The following IDUA variants were observed in gnomAD, a reference collection of about 807,000 sequenced individuals.
The protein encoded by IDUA is alpha-L-iduronidase, also known as iduronidase alpha-L-.
In IDUA, 65 loss-of-function variants were observed where a neutral mutation model predicts 68.9. That is an observed-to-expected ratio of 0.94 (90% CI 0.77 to 1.16). The LOEUF (loss-of-function observed/expected upper bound fraction) is 1.16, where lower values mean the gene tolerates loss of function less well. Among genes scored for constraint, IDUA ranks in the 50% most tolerant of loss-of-function variants. The pLI, the probability that IDUA is intolerant of heterozygous loss-of-function variation, is 0.00. For missense variants in IDUA, 1,046 were observed against 938.0 expected (o/e 1.12, Z -1.50); for synonymous variants, 529 against 433.6 (o/e 1.22, Z -2.73).
chr4:990,815 G>A lies in IDUA; in HGVS notation c.299+2866G>A, dbSNP rs1371742458. The A allele has an allele frequency of 7.2e-6, 3 of 414,414 alleles. No individual in the cohort carries two copies. The Admixed American group carries it at 1.2e-4, about 17-fold the overall frequency. The allele number at this position is 414,414 out of a possible 1,614,324, so 25.7% of individuals were successfully genotyped here. On this transcript the variant is annotated intron_variant, in intron 2 of 13. Coordinates refer to ENST00000514224, the MANE Select transcript of IDUA (RefSeq NM_000203.5). The stretch of plus-strand genomic sequence containing the variant: ...ATCCCCCACTCCACCTAGGACAGAA[G>A]GCCTGGGAGGCCACATGGCCTCAGT...
intron 2 of IDUA, among the ~76,000 whole-genome samples, chr4:993,678 A>G (rs1714545897): frequency 1.3e-5 from 2 of 152,136 alleles, no homozygotes; most frequent in South Asian, 4.1e-4. Context: ...GGGGCTGAGC[A>G]CAGGTAAACC....
Position 1,001,862 on chromosome 4 carries a change from A to G in IDUA, c.773A>G (p.Tyr258Cys), listed in dbSNP as rs1230294335. Residue 258 changes from tyrosine to cysteine, a missense_variant, in exon 6 of 14, where the codon TAC (tyrosine) becomes TGC (cysteine). Transcript: ENST00000514224. ...FTGEAGVRLD[Y>C]ISLHRKGARS... ...GGGGAGGCGGGCGTGCGGCTGGACT[A>G]CATCTCCCTCCACAGGAAGGTGCGC... is the stretch of plus-strand genomic sequence containing the variant. The G allele has an allele frequency of 6.3e-7, 1 of 1,592,142 alleles. No homozygotes were observed. Among genetic ancestry groups the G allele is most frequent in the Non-Finnish European group, 8.5e-7 (1 of 1,171,300 alleles).
intron 2 of IDUA, chr4:988,341 G>T (rs1028029906): frequency 2.7e-6 from 3 of 1,091,412 alleles, no homozygotes; most frequent in Non-Finnish European, 3.3e-6. Flanking sequence ...CTGTGAGGGG[G>T]AGGCACGAGG....
rs1301982320 is a variant in IDUA, at chr4:1,002,048, T to C, written c.859T>C (p.Phe287Leu). The change falls in exon 7 of 14, where the codon TTC becomes CTC. Residue 287 changes from phenylalanine (F) to leucine (L), a missense_variant. By Grantham distance (22) the Phe-to-Leu change is conservative. Coordinates refer to ENST00000514224, the MANE Select transcript of IDUA (RefSeq NM_000203.5). ...CGTCGCGCAGCAGATCCGGCAGCTC[T>C]TCCCCAAGTTCGCGGACACCCCCAT... ...KVVAQQIRQLFPKFADTPIYN... is the reference protein window; with the variant it reads ...KVVAQQIRQLLPKFADTPIYN... The C allele has an allele frequency of 6.3e-7, 1 of 1,597,196 alleles. No individual in the cohort carries two copies. The highest frequency in any genetic ancestry group is 8.5e-7 in the Non-Finnish European group (1 of 1,173,640).
intron 2 of IDUA, among the ~76,000 whole-genome samples, chr4:998,232 C>T (rs566048292): frequency 0.013 from 2,039 of 152,222 alleles, 29 homozygotes; most frequent in Non-Finnish European, 0.018. Flanking sequence ...AGAGGCGGGG[C>T]GGAGCAGGAG....
chr4:1,003,707 C>A, intron 12 of IDUA, 82 bp downstream of exon 12: 1 of 1,489,976 alleles, frequency 6.7e-7, no homozygotes, highest in Non-Finnish European at 9.3e-7. Flanking sequence ...TGCGGTCACT[C>A]GGGCCACTTG....
At chr4:993,880 T>G (rs900390715) in intron 2 of IDUA, among the ~76,000 whole-genome samples, 6 of 152,186 alleles carry the variant, frequency 3.9e-5, no homozygotes, top group Admixed American at 3.9e-4. Flanking sequence ...TATGCGTGTG[T>G]GCTCGCGTAA....
chr4:989,565 C>G, intron 2 of IDUA: 1 of 1,588,992 alleles, frequency 6.3e-7, no homozygotes, highest in Non-Finnish European at 8.6e-7. Flanking sequence ...GCGGGAGGTC[C>G]CACACCTTGC....
rs1253075699 is a variant in IDUA, at chr4:1,003,614, C to G, written c.1716C>G (p.His572Gln). ...GQLVLVWSDE[H>Q]VGSKCLWTYE... ...TGGTTCTGGTCTGGTCGGATGAACA[C>G]GTGGGCTCCAAGTGCGTGAGTGGGG... The change falls in exon 12 of 14, where the codon CAC (histidine) becomes CAG (glutamine). Residue 572 changes from histidine (H) to glutamine (Q), a missense_variant. By Grantham distance (24) the His-to-Gln change is conservative. Coordinates refer to ENST00000514224, the MANE Select transcript of IDUA (RefSeq NM_000203.5). The G allele has an allele frequency of 1.9e-6, 3 of 1,612,322 alleles. No homozygotes were observed. In the Admixed American group the frequency reaches 5.0e-5, roughly 27 times the overall value.
intron 6 of IDUA, 41 bp from the exon 7 acceptor site, chr4:1,001,938 GGGC>G: frequency 6.4e-7 from 1 of 1,569,696 alleles, no homozygotes; most frequent in Non-Finnish European, 8.6e-7. Context: ...GCTGTGCCCC[GGGC>G]CGCGCTGACC....
rs751167219 is a variant in IDUA, at chr4:1,001,990, C to A, written c.801C>A (p.Arg267=). Reference sequence around the variant, plus strand: ...GGCGGCCCCGCCCGCAGGGTGCGCGCAGCTCCATCTCCATCCTGGAGCAGG... The same window carrying A: ...GGCGGCCCCGCCCGCAGGGTGCGCGAAGCTCCATCTCCATCCTGGAGCAGG... The part of the protein sequence containing the change: ...DYISLHRKGA[R]SSISILEQEK... The change falls in exon 7 of 14, where the codon CGC becomes CGA. Residue 267 remains arginine (R), a synonymous_variant. Coordinates refer to ENST00000514224, the MANE Select transcript of IDUA (RefSeq NM_000203.5). The A allele has an allele frequency of 6.3e-7, 1 of 1,586,144 alleles. No homozygotes were observed. The highest frequency in any genetic ancestry group is 1.3e-5 in the African/African-American group (1 of 74,800).
At chr4:987,466 C>T (rs1401998052) in intron 1 of IDUA, among the ~76,000 whole-genome samples, 1 of 152,212 alleles carries the variant, frequency 6.6e-6, no homozygotes, top group Non-Finnish European at 1.5e-5. Context: ...GCCCGGGATC[C>T]TGCTCTTTGA....
In IDUA at chr4:1,000,618, C is replaced by T. The variant is rs750244326; in HGVS notation, c.306C>T (p.Ser102=). 1 of 1,612,054 alleles carries T rather than the reference C, an allele frequency of 6.2e-7. No individual in the cohort carries two copies. The highest frequency in any genetic ancestry group is 1.1e-5 in the South Asian group (1 of 91,066). Reference sequence around the variant, plus strand: ...GCTGACCGTCCTTCTGCAGGGGGTCCACTGGACGGGGCCTGAGCTACAACT... The same window carrying T: ...GCTGACCGTCCTTCTGCAGGGGGTCTACTGGACGGGGCCTGAGCTACAACT... The part of the protein sequence containing the change: ...WLLELVTTRG[S]TGRGLSYNFT... The change falls in exon 3 of 14, where the codon TCC becomes TCT. Residue 102 remains serine (S), a synonymous_variant. Coordinates refer to ENST00000514224, the MANE Select transcript of IDUA (RefSeq NM_000203.5).
chr4:1,001,089 T>G, intron 4 of IDUA, 100 bp downstream of exon 4: 1 of 828,820 alleles, frequency 1.2e-6, no homozygotes. Flanking sequence ...GGAGATACAT[T>G]GGTGGGCAGG....
At chr4:988,940 G>A (rs780940595) in intron 2 of IDUA, 1 of 1,597,966 alleles carries the variant, frequency 6.3e-7, no homozygotes, top group South Asian at 1.1e-5. Context: ...GTGTCCCCGG[G>A]GCCCTCCCCG....
intron 2 of IDUA, chr4:992,605 G>GA: frequency 5.2e-5 from 10 of 192,380 alleles, no homozygotes; most frequent in Non-Finnish European, 7.5e-5. Context: ...CTTTTTCCCA[G>GA]GCTGCACCAG....
rs1228749982 is a variant in IDUA at position 991,440 on chromosome 4, G to A, written c.299+3491G>A. Reference sequence around the variant, plus strand: ...GCAGCCCGGCCAGCAATGAGTAGGCGATGGCCTGCGGCACCAGGATGATGC... The same window carrying A: ...GCAGCCCGGCCAGCAATGAGTAGGCAATGGCCTGCGGCACCAGGATGATGC... On this transcript the variant is annotated intron_variant, in intron 2 of 13. Transcript: ENST00000514224. The A allele has an allele frequency of 3.7e-6, 6 of 1,612,668 alleles. No homozygotes were observed. In the South Asian group the frequency reaches 4.4e-5, roughly 12 times the overall value.
intron 2 of IDUA, among the ~76,000 whole-genome samples, chr4:993,603 C>T (rs3806756): frequency 2.6e-5 from 4 of 152,104 alleles, no homozygotes; most frequent in African/African-American, 7.2e-5. Context: ...TCCCAGGAGC[C>T]GCTGCAGCTG....
intron 2 of IDUA, chr4:989,965 G>T: frequency 6.4e-7 from 1 of 1,556,548 alleles, no homozygotes; most frequent in East Asian, 2.4e-5. Context: ...CATGAAACCC[G>T]TGGGGATGTC....
Sources: gnomAD v4.1 joint callset for allele counts (sites outside exome capture counted in the v4.1 genomes callset) on GRCh38, gnomAD v4.1.1 for gene constraint, MANE v1.5 for transcripts, NCBI Gene and HGNC (gene_info 2026-07-23, HGNC 2026-07-21) for gene names.